Variants in PLCL1 observed in about 807,000 individuals in gnomAD.
PLCL1 encodes the protein phospholipase C like 1 (inactive).
PLCL1 carries 41 observed loss-of-function variants against 84.4 expected under a neutral mutation model. That is an observed-to-expected ratio of 0.49 (90% CI 0.38 to 0.63). The LOEUF (loss-of-function observed/expected upper bound fraction) is 0.63, where lower values mean the gene tolerates loss of function less well. PLCL1 is among the 30% of genes least tolerant of loss of function. PLCL1 has a pLI of 0.00. For synonymous variants in PLCL1, 490 were observed against 488.3 expected, an observed-to-expected ratio of 1.00 and a Z score of -0.05; for missense variants, 1,206 against 1,367.8, an observed-to-expected ratio of 0.88 and a Z score of 1.87.
chr2:197,929,422 G>GGGCA (rs1688892895), intron 1 of PLCL1, among the ~76,000 whole-genome samples: 1 of 152,156 alleles, frequency 6.6e-6, no homozygotes, highest in Non-Finnish European at 1.5e-5. Context: ...TTTGTTTGGT[G>GGGCA]GGCAGGAAGG....
chr2:198,071,946 C>T lies in PLCL1; in HGVS notation c.241-11812C>T, dbSNP rs545758077. 3.5e-4 allele frequency among the ~76,000 whole-genome samples: 53 copies of T among 151,840 alleles called. 2 individuals are homozygous for T. The South Asian group carries it at 0.011, about 30-fold the overall frequency. ...TTTTTGTTCAAATGAATACTCAATT[C>T]GTTAACACTAATAATTGAATAATGT... On this transcript the variant is annotated intron_variant, in intron 1 of 5. Transcript: ENST00000428675.
intron 1 of PLCL1, among the ~76,000 whole-genome samples, chr2:198,040,594 T>A (rs1295063563): frequency 6.6e-6 from 1 of 152,074 alleles, no homozygotes; most frequent in African/African-American, 2.4e-5. Context: ...CTTATGAGCT[T>A]CCCTGGGAAT....
intron 1 of PLCL1, among the ~76,000 whole-genome samples, chr2:197,976,946 C>T (rs1469965786): frequency 6.6e-6 from 1 of 152,182 alleles, no homozygotes; most frequent in Admixed American, 6.5e-5. Flanking sequence ...CATCCATTGC[C>T]TTGACATGCC....
At chr2:197,822,595 T>A (rs1690840788) in intron 1 of PLCL1, among the ~76,000 whole-genome samples, 1 of 152,204 alleles carries the variant, frequency 6.6e-6, no homozygotes, top group South Asian at 2.1e-4. Flanking sequence ...ACTAGTCTTA[T>A]GAAGTAGGGA....
intron 1 of PLCL1, among the ~76,000 whole-genome samples, chr2:197,918,969 C>CA (rs1369678298): frequency 1.4e-3 from 204 of 146,922 alleles, no homozygotes; most frequent in African/African-American, 3.5e-3. Flanking sequence ...TCTCTCTCTC[C>CA]CTCACACACA....
chr2:198,069,447 C>T (rs1430376828), intron 1 of PLCL1, among the ~76,000 whole-genome samples: 1 of 152,102 alleles, frequency 6.6e-6, no homozygotes, highest in Non-Finnish European at 1.5e-5. Context: ...CATGATCCCA[C>T]CATTGCACTC....
At chr2:197,889,612 A>AT (rs201708661) in intron 1 of PLCL1, among the ~76,000 whole-genome samples, 4 of 152,052 alleles carry the variant, frequency 2.6e-5, no homozygotes, top group Admixed American at 6.6e-5. Flanking sequence ...ACCAACACAC[A>AT]TTTTTTCTGT....
chr2:197,818,107 A>G (rs933774606), intron 1 of PLCL1, among the ~76,000 whole-genome samples: 2 of 152,078 alleles, frequency 1.3e-5, no homozygotes, highest in African/African-American at 4.8e-5. Context: ...CAGCTCTAGG[A>G]AAGTCCAGGG....
At chr2:197,997,720 A>T (rs1690500658) in intron 1 of PLCL1, among the ~76,000 whole-genome samples, 1 of 152,114 alleles carries the variant, frequency 6.6e-6, no homozygotes, top group South Asian at 2.1e-4. Context: ...GCCAATCATG[A>T]CCTTTATCTT....
intron 1 of PLCL1, among the ~76,000 whole-genome samples, chr2:197,829,570 CA>C (rs1245884260): frequency 6.6e-6 from 1 of 151,880 alleles, no homozygotes; most frequent in Non-Finnish European, 1.5e-5. Flanking sequence ...TGAGAATTTT[CA>C]AAAAACATGT....
Position 197,921,689 on chromosome 2 carries a change from T to C in PLCL1, c.240+116350T>C, listed in dbSNP as rs77187282. On this transcript the variant is annotated intron_variant, in intron 1 of 5. Transcript: ENST00000428675. ...CACTCTTGTTCCACCTCTGTACCTTTGATCACACCGTCTCTCTCACCTGAC... is the reference window on the plus strand; with the variant it reads ...CACTCTTGTTCCACCTCTGTACCTTCGATCACACCGTCTCTCTCACCTGAC... 2.6e-3 allele frequency among the ~76,000 whole-genome samples: 393 copies of C among 152,342 alleles called. 1 individual carries two copies. The highest frequency in any genetic ancestry group is 9.0e-3 in the African/African-American group (373 of 41,588).
At chr2:197,813,723 A>G (rs1023092442) in intron 1 of PLCL1, among the ~76,000 whole-genome samples, 1 of 152,174 alleles carries the variant, frequency 6.6e-6, no homozygotes, top group East Asian at 1.9e-4. Flanking sequence ...TATGCATATT[A>G]TTATTATCTC....
intron 1 of PLCL1, among the ~76,000 whole-genome samples, chr2:197,808,576 A>G (rs1294370424): frequency 6.6e-6 from 1 of 152,192 alleles, no homozygotes; most frequent in Admixed American, 6.5e-5. Flanking sequence ...GAGAAAATGC[A>G]TTTTTCACAG....
intron 1 of PLCL1, among the ~76,000 whole-genome samples, chr2:198,042,520 A>G (rs909777058): frequency 9.2e-5 from 14 of 152,216 alleles, no homozygotes; most frequent in African/African-American, 3.1e-4. Context: ...AGGAAGGCAG[A>G]CATCTCAGAG....
chr2:198,131,705 G>A (rs1174350488), intron 5 of PLCL1, among the ~76,000 whole-genome samples: 1 of 152,182 alleles, frequency 6.6e-6, no homozygotes, highest in Non-Finnish European at 1.5e-5. Flanking sequence ...CAAGAAGCTT[G>A]AAAGCCTTAG....
intron 1 of PLCL1, among the ~76,000 whole-genome samples, chr2:197,808,752 T>G (rs544087445): frequency 1.3e-5 from 2 of 152,354 alleles, no homozygotes; most frequent in Admixed American, 1.3e-4. Flanking sequence ...ATTTACTATA[T>G]TAGTTGGTGG....
At chr2:197,912,696 A>C (rs1232805213) in intron 1 of PLCL1, among the ~76,000 whole-genome samples, 2 of 147,304 alleles carry the variant, frequency 1.4e-5, no homozygotes, top group Non-Finnish European at 3.0e-5. Flanking sequence ...TCGCAAGAAC[A>C]AAAAACCAAA....
intron 1 of PLCL1, among the ~76,000 whole-genome samples, chr2:197,813,011 C>T (rs777848241): frequency 9.2e-5 from 14 of 152,260 alleles, no homozygotes; most frequent in African/African-American, 2.6e-4. Flanking sequence ...GATGAGGGTG[C>T]GCACACCTTC....
intron 1 of PLCL1, among the ~76,000 whole-genome samples, chr2:197,901,418 A>T (rs552771985): frequency 6.6e-6 from 1 of 152,354 alleles, no homozygotes; most frequent in African/African-American, 2.4e-5. Flanking sequence ...CACTACCAGT[A>T]AAGATTCAGA....
Sources: gnomAD v4.1 joint callset for allele counts (sites outside exome capture counted in the v4.1 genomes callset) on GRCh38, gnomAD v4.1.1 for gene constraint, MANE v1.5 for transcripts, NCBI Gene and HGNC (gene_info 2026-07-23, HGNC 2026-07-21) for gene names.